The following DGKB variants were observed in gnomAD, a reference collection of about 807,000 sequenced individuals.
DGKB encodes diacylglycerol kinase beta.
DGKB carries 67 observed loss-of-function variants against 114.3 expected under a neutral mutation model. That is an observed-to-expected ratio of 0.59 (90% confidence interval 0.48 to 0.72). DGKB has a LOEUF of 0.72. Among genes scored for constraint, DGKB ranks in the 30% least tolerant of loss-of-function variants. DGKB has a pLI of 0.00. For missense variants in DGKB, 907 were observed against 975.2 expected (o/e 0.93, Z 0.93); for synonymous variants, 398 against 323.1 (o/e 1.23, Z -2.49).
chr7:14,501,027 T>C lies in DGKB; in HGVS notation c.1771-22802A>G, dbSNP rs564439893. On this transcript the variant is annotated intron_variant, in intron 20 of 25. Coordinates refer to ENST00000402815, the MANE Select transcript of DGKB (RefSeq NM_001350709.2). ...AGGCAAAATTTACAGAAAATATTAA[T>C]AAGCTTGATGAGTTTGAGGATAAAA... Among the ~76,000 whole-genome samples the C allele has an allele frequency of 1.2e-3, 183 of 151,956 alleles. 3 individuals carry two copies. Among genetic ancestry groups the C allele is most frequent in the Non-Finnish European group, 2.5e-3 (168 of 67,848 alleles).
chr7:14,245,039 T>C lies in DGKB; in HGVS notation c.2123-66888A>G, dbSNP rs192903464. ...ATATCACATATGCGGGAGAGTCATG[T>C]ATGCAGTACTTTTTGAATGGAAGGA... On this transcript the variant is annotated intron_variant, in intron 23 of 25. Coordinates refer to ENST00000402815, the MANE Select transcript of DGKB (RefSeq NM_001350709.2). Among the ~76,000 whole-genome samples, 17 of 152,234 alleles carry C rather than the reference T, an allele frequency of 1.1e-4. 1 individual carries two copies. In the East Asian group the frequency reaches 3.3e-3, roughly 29 times the overall value.
chr7:14,326,108 G>A (rs1377727042), intron 23 of DGKB, among the ~76,000 whole-genome samples: 1 of 142,420 alleles, frequency 7.0e-6, no homozygotes, highest in Non-Finnish European at 1.5e-5. Flanking sequence ...TTGTATTCAT[G>A]TGCTTATAGT....
chr7:14,646,931 C>T (rs1188772974), intron 13 of DGKB, among the ~76,000 whole-genome samples: 1 of 151,396 alleles, frequency 6.6e-6, no homozygotes, highest in Non-Finnish European at 1.5e-5. Context: ...AAAGCAAGAA[C>T]AAACTAAATT....
rs527310050 is a variant in DGKB at position 14,695,966 on chromosome 7, T to G, written c.592-1772A>C. Among the ~76,000 whole-genome samples the G allele has an allele frequency of 5.3e-5, 8 of 152,280 alleles. No homozygotes were observed. The South Asian group carries it at 1.7e-3, about 32-fold the overall frequency. On this transcript the variant is annotated intron_variant, in intron 8 of 25. Coordinates refer to ENST00000402815, the MANE Select transcript of DGKB (RefSeq NM_001350709.2). ...GTACCATTTCAGCTCCCTGGAATAG[T>G]AGCAGACTTATCAGTAACACACATG...
At chr7:14,563,580 A>G (rs1435978798) in intron 20 of DGKB, among the ~76,000 whole-genome samples, 2 of 143,960 alleles carry the variant, frequency 1.4e-5, no homozygotes, top group African/African-American at 5.2e-5. Context: ...TATTTTCTTG[A>G]CCTCAATGAG....
chr7:14,727,000 A>T (rs1830123890), intron 5 of DGKB, among the ~76,000 whole-genome samples: 1 of 152,230 alleles, frequency 6.6e-6, no homozygotes, highest in Non-Finnish European at 1.5e-5. Flanking sequence ...TTTATGAGTG[A>T]AATAATGTTA....
chr7:14,320,361 A>G (rs1291708545), intron 23 of DGKB, among the ~76,000 whole-genome samples: 2 of 152,124 alleles, frequency 1.3e-5, no homozygotes, highest in African/African-American at 2.4e-5. Context: ...CAGATGATCC[A>G]TATTTATAGA....
chr7:14,217,118 CCAGA>C (rs1426819480), intron 23 of DGKB, among the ~76,000 whole-genome samples: 4 of 152,186 alleles, frequency 2.6e-5, no homozygotes, highest in South Asian at 2.1e-4. Flanking sequence ...AGAGAAAGGG[CCAGA>C]CAGTCTAGTC....
chr7:14,595,082 G>C (rs1003858281), intron 17 of DGKB, among the ~76,000 whole-genome samples: 1 of 152,070 alleles, frequency 6.6e-6, no homozygotes, highest in Non-Finnish European at 1.5e-5. Flanking sequence ...GTAGGGATGA[G>C]GGGTGGCTTA....
At chr7:14,500,003 C>T (rs1785896328) in intron 20 of DGKB, among the ~76,000 whole-genome samples, 1 of 151,814 alleles carries the variant, frequency 6.6e-6, no homozygotes, top group Admixed American at 6.6e-5. Context: ...ATAAGTTGAA[C>T]CAGGACTACT....
intron 20 of DGKB, among the ~76,000 whole-genome samples, chr7:14,548,687 G>C (rs1355260215): frequency 2.6e-5 from 4 of 152,142 alleles, no homozygotes; most frequent in Admixed American, 6.6e-5. Context: ...TCATCTGTAT[G>C]CAACAGCAGG....
At chr7:14,705,954 C>A (rs1389195881) in intron 6 of DGKB, among the ~76,000 whole-genome samples, 1 of 151,730 alleles carries the variant, frequency 6.6e-6, no homozygotes, top group Non-Finnish European at 1.5e-5. Flanking sequence ...GGATCAAATT[C>A]ACACATAACA....
intron 1 of DGKB, among the ~76,000 whole-genome samples, chr7:14,873,757 C>T (rs889309130): frequency 3.3e-5 from 5 of 151,648 alleles, no homozygotes; most frequent in African/African-American, 1.2e-4. Flanking sequence ...CCCTTATATT[C>T]CAAAATTATA....
At chr7:14,551,932 T>C (rs1554508561) in intron 20 of DGKB, among the ~76,000 whole-genome samples, 1 of 152,156 alleles carries the variant, frequency 6.6e-6, no homozygotes, top group Non-Finnish European at 1.5e-5. Flanking sequence ...TGAAAGATAA[T>C]ACAGATGTTT....
chr7:14,754,283 C>T (rs1411513123), intron 3 of DGKB, among the ~76,000 whole-genome samples: 1 of 152,026 alleles, frequency 6.6e-6, no homozygotes, highest in Non-Finnish European at 1.5e-5. Flanking sequence ...CTAGATCAAT[C>T]TTTGTATATA....
intron 20 of DGKB, among the ~76,000 whole-genome samples, chr7:14,521,148 T>C (rs571294747): frequency 6.6e-6 from 1 of 152,146 alleles, no homozygotes; most frequent in Non-Finnish European, 1.5e-5. Context: ...TTGTATGTAA[T>C]ATTTTCGTTT....
rs1475699492 is a variant in DGKB at position 14,593,794 on chromosome 7, C to A, written c.1434-10657G>T. On this transcript the variant is annotated intron_variant, in intron 17 of 25. Transcript: ENST00000402815. ...TCACTTGTGCTAAGTGCCATGTAAT[C>A]AAATTGAACTTTAAAATGGTCCAGT... Among the ~76,000 whole-genome samples, 5 of 145,486 alleles carry A rather than the reference C, an allele frequency of 3.4e-5. No homozygotes were observed. In the South Asian group the frequency reaches 9.0e-4, roughly 26 times the overall value.
intron 13 of DGKB, among the ~76,000 whole-genome samples, chr7:14,659,117 G>A (rs377261075): frequency 6.6e-6 from 1 of 151,706 alleles, no homozygotes; most frequent in South Asian, 2.1e-4. Flanking sequence ...TCCCTTCCCT[G>A]TGCCCATGTG....
intron 13 of DGKB, among the ~76,000 whole-genome samples, chr7:14,645,394 G>C (rs542689133): frequency 1.9e-4 from 29 of 152,094 alleles, no homozygotes; most frequent in African/African-American, 7.0e-4. Flanking sequence ...TAAAAGAGTG[G>C]TAATATTCTC....
Sources: gnomAD v4.1 joint callset for allele counts (sites outside exome capture counted in the v4.1 genomes callset) on GRCh38, gnomAD v4.1.1 for gene constraint, MANE v1.5 for transcripts, NCBI Gene and HGNC (gene_info 2026-07-23, HGNC 2026-07-21) for gene names.